WWOX: variants seen among roughly 807,000 people sequenced by gnomAD.
WWOX encodes the protein WW domain-containing oxidoreductase.
Under a neutral mutation model 46.2 loss-of-function variants are expected in WWOX, and 69 were observed. That is an observed-to-expected ratio of 1.49 (90% confidence interval 1.23 to 1.82). The LOEUF (loss-of-function observed/expected upper bound fraction) is 1.82, where lower values mean the gene tolerates loss of function less well. WWOX is among the 40% of genes most tolerant of loss of function. The pLI is 0.00. For synonymous variants in WWOX, 359 were observed against 202.6 expected (o/e 1.77, Z -6.56); for missense variants, 919 against 542.6 (o/e 1.69, Z -6.89).
intron 8 of WWOX, among the ~76,000 whole-genome samples, chr16:78,479,585 G>A (rs1375828277): frequency 1.3e-5 from 2 of 152,140 alleles, no homozygotes; most frequent in Admixed American, 1.3e-4. Flanking sequence ...GATAAGACAT[G>A]TCCCATTCCC....
intron 5 of WWOX, among the ~76,000 whole-genome samples, chr16:78,364,941 T>A (rs144911303): frequency 8.7e-4 from 132 of 152,334 alleles, no homozygotes; most frequent in African/African-American, 2.9e-3. Context: ...ACAAAGATGT[T>A]CCTGGTCCCC....
intron 5 of WWOX, among the ~76,000 whole-genome samples, chr16:78,188,888 A>G (rs1325026367): frequency 6.6e-6 from 1 of 152,324 alleles, no homozygotes; most frequent in East Asian, 1.9e-4. Flanking sequence ...TTTGACTAAC[A>G]GAAAAGATTG....
At chr16:78,810,871 G>C (rs960984276) in intron 8 of WWOX, among the ~76,000 whole-genome samples, 19 of 152,168 alleles carry the variant, frequency 1.2e-4, no homozygotes, top group Admixed American at 1.2e-3. Flanking sequence ...CAGTCATTTT[G>C]TCATAATGCC....
intron 8 of WWOX, among the ~76,000 whole-genome samples, chr16:78,564,666 C>G (rs771092008): frequency 2.2e-4 from 34 of 152,130 alleles, no homozygotes; most frequent in Non-Finnish European, 4.1e-4. Flanking sequence ...TATCTGGCCA[C>G]TCGGGAGCTC....
chr16:78,481,395 A>C (rs1193660873), intron 8 of WWOX, among the ~76,000 whole-genome samples: 1 of 152,110 alleles, frequency 6.6e-6, no homozygotes, highest in Non-Finnish European at 1.5e-5. Context: ...CTTTCAATAG[A>C]GGTGAAAATC....
Position 78,428,739 on chromosome 16 carries a change from A to G in WWOX, c.791+3684A>G, listed in dbSNP as rs116432215. 3.6e-3 allele frequency among the ~76,000 whole-genome samples: 548 copies of G among 152,306 alleles called. 4 individuals are homozygous for G. The highest frequency in any genetic ancestry group is 0.013 in the African/African-American group (530 of 41,568). ...GTAGAAAATCACTGTGTATGATGAT[A>G]GTGTATACCTGTAATACCAGCTACT... On this transcript the variant is annotated intron_variant, in intron 7 of 8. Transcript: ENST00000566780.
intron 8 of WWOX, among the ~76,000 whole-genome samples, chr16:78,868,126 C>G (rs1349157778): frequency 6.6e-6 from 1 of 152,128 alleles, no homozygotes; most frequent in Non-Finnish European, 1.5e-5. Flanking sequence ...CGGAAATACC[C>G]AAATGTCCAT....
chr16:78,692,240 T>G (rs1440098196), intron 8 of WWOX, among the ~76,000 whole-genome samples: 2 of 152,204 alleles, frequency 1.3e-5, no homozygotes, highest in Admixed American at 1.3e-4. Flanking sequence ...TAATATCTAG[T>G]CCATTTCTCT....
At chr16:78,600,052 G>A (rs557103307) in intron 8 of WWOX, among the ~76,000 whole-genome samples, 1 of 152,266 alleles carries the variant, frequency 6.6e-6, no homozygotes, top group Admixed American at 6.5e-5. Flanking sequence ...GCAAGGAGGA[G>A]CAAAGTCATA....
At chr16:78,411,609 AT>A (rs1431797546) in intron 6 of WWOX, among the ~76,000 whole-genome samples, 1 of 152,208 alleles carries the variant, frequency 6.6e-6, no homozygotes, top group Non-Finnish European at 1.5e-5. Context: ...TTTAGCAGAC[AT>A]TTAGGAACCA....
chr16:78,946,737 C>T (rs879722297), intron 8 of WWOX, among the ~76,000 whole-genome samples: 2 of 151,666 alleles, frequency 1.3e-5, no homozygotes, highest in African/African-American at 2.4e-5. Context: ...GTCATGCGGG[C>T]CATATGGATG....
chr16:78,604,694 T>C (rs1597335579), intron 8 of WWOX, among the ~76,000 whole-genome samples: 1 of 12,898 alleles, frequency 7.8e-5, no homozygotes, highest in African/African-American at 3.4e-4. Context: ...CCCCCCTCCC[T>C]CCTTCCCCCC....
chr16:78,544,599 G>C (rs1442206643), intron 8 of WWOX, among the ~76,000 whole-genome samples: 1 of 152,162 alleles, frequency 6.6e-6, no homozygotes, highest in South Asian at 2.1e-4. Context: ...TTGAAAATGA[G>C]ATGTGGCTGG....
At chr16:79,096,025 T>TTTTG (rs1195001100) in intron 8 of WWOX, among the ~76,000 whole-genome samples, 7 of 144,830 alleles carry the variant, frequency 4.8e-5, no homozygotes, top group Non-Finnish European at 6.1e-5. Flanking sequence ...AATTTTTTTT[T>TTTTG]TTTTTTTTTT....
At chr16:79,090,589 C>T (rs541170743) in intron 8 of WWOX, among the ~76,000 whole-genome samples, 42 of 152,186 alleles carry the variant, frequency 2.8e-4, no homozygotes, top group African/African-American at 8.7e-4. Flanking sequence ...GACAGGAAGA[C>T]GATGCTGTAT....
chr16:78,266,237 A>G (rs1206613635), intron 5 of WWOX, among the ~76,000 whole-genome samples: 3 of 152,232 alleles, frequency 2.0e-5, no homozygotes, highest in African/African-American at 7.2e-5. Context: ...ACATGTAAAA[A>G]TTGTATGAAA....
At chr16:78,731,862 T>TTTTTTTTTTG (rs34201735) in intron 8 of WWOX, among the ~76,000 whole-genome samples, 7 of 137,800 alleles carry the variant, frequency 5.1e-5, no homozygotes, top group South Asian at 2.2e-4. Context: ...TTTTTTTTTT[T>TTTTTTTTTTG]TGAGAGACAG....
chr16:78,258,592 A>C (rs1023562493), intron 5 of WWOX, among the ~76,000 whole-genome samples: 3 of 151,822 alleles, frequency 2.0e-5, no homozygotes, highest in Non-Finnish European at 2.9e-5. Flanking sequence ...ACAGCCTAGA[A>C]GGTGAATGAT....
chr16:78,575,146 A>G (rs1450655531), intron 8 of WWOX, among the ~76,000 whole-genome samples: 16 of 124,370 alleles, frequency 1.3e-4, no homozygotes, highest in Admixed American at 2.8e-4. Context: ...GATTTTTGAG[A>G]AAAACTTTGC....
Sources: allele counts gnomAD v4.1 joint callset (sites outside exome capture counted in the v4.1 genomes callset), GRCh38; gene constraint gnomAD v4.1.1; transcripts MANE v1.5; gene names NCBI Gene and HGNC (gene_info 2026-07-23, HGNC 2026-07-21).